Variants in SLF1 observed in about 807,000 individuals in gnomAD.
The protein encoded by SLF1 is SMC5/6 complex localization factor 1.
Under a neutral mutation model 123.0 loss-of-function variants are expected in SLF1, and 105 were observed. The ratio of observed to expected loss-of-function variants is 0.85; its 90% confidence interval spans 0.73 to 1.00. SLF1 has a LOEUF of 1.00. SLF1 is among the 50% of genes least tolerant of loss of function. SLF1 has a pLI of 0.00. For missense variants in SLF1, 1,239 were observed against 1,223.0 expected (o/e 1.01, Z -0.20); for synonymous variants, 434 against 406.6 (o/e 1.07, Z -0.81).
chr5:94,681,092 G>C, intron 15 of SLF1, among the ~76,000 whole-genome samples: 1 of 152,154 alleles, frequency 6.6e-6, no homozygotes, highest in Non-Finnish European at 1.5e-5. Context: ...CTTCAAATTC[G>C]GTTATAGCTA....
chr5:94,638,980 T>C (rs1339759155), intron 4 of SLF1, among the ~76,000 whole-genome samples: 1 of 152,112 alleles, frequency 6.6e-6, no homozygotes, highest in Non-Finnish European at 1.5e-5. Context: ...GTTGACAAAT[T>C]GAATTAAATC....
At chr5:94,652,621 G>T (rs1375879286) in intron 7 of SLF1, among the ~76,000 whole-genome samples, 2 of 152,016 alleles carry the variant, frequency 1.3e-5, no homozygotes. Flanking sequence ...TTAAGTTTTT[G>T]CAATTATGAA....
chr5:94,676,535 G>C (rs1308109436), intron 14 of SLF1, among the ~76,000 whole-genome samples: 4 of 152,216 alleles, frequency 2.6e-5, no homozygotes, highest in African/African-American at 9.6e-5. Context: ...CACCTGCTAG[G>C]ATCTGGCTGG....
chr5:94,646,770 T>C (rs1384606066), intron 5 of SLF1, among the ~76,000 whole-genome samples: 2 of 152,218 alleles, frequency 1.3e-5, no homozygotes, highest in East Asian at 1.9e-4. Context: ...ACTGTGACCA[T>C]AGGAAAGTCA....
At position 94,651,715 on chromosome 5, in the gene SLF1, A is replaced by G; in HGVS notation, c.752A>G (p.Asn251Ser). ...TMYRTQKEMQ[N>S]HEDVNVGSIL... ...ACAAACACGCAGAAAGAAATGCAAA[A>G]TCATGAAGATGTTAATGTTGGTTCT... Residue 251 changes from asparagine (N) to serine (S), a missense_variant, in exon 7 of 21, where the codon AAT becomes AGT. By Grantham distance (46) the Asn-to-Ser change is conservative. Transcript: ENST00000265140. The G allele has an allele frequency of 2.0e-6, 3 of 1,523,372 alleles. No homozygotes were observed. The highest frequency in any genetic ancestry group is 2.6e-6 in the Non-Finnish European group (3 of 1,136,512). 94.4% of individuals were successfully genotyped at this position (1,523,372 alleles called of 1,614,324 possible).
Position 94,691,584 on chromosome 5 carries a change from G to A in SLF1, c.2440G>A (p.Ala814Thr). 6.2e-7 allele frequency: 1 copy of A among 1,611,008 alleles called. No individual in the cohort carries two copies. The highest frequency in any genetic ancestry group is 1.1e-5 in the South Asian group (1 of 90,442). Reference protein sequence around the residue: ...NLKGETALHRACINNQVEKLI... With the variant: ...NLKGETALHRTCINNQVEKLI... ...GGCAGGAGAAACAGCCCTGCATAGA[G>A]CTTGCATAAATAACCAAGTGGAGAA... Residue 814 changes from alanine (A) to threonine (T), a missense_variant, in exon 19 of 21, where the codon GCT becomes ACT. Physicochemically the swap from Ala to Thr is moderately conservative, Grantham distance 58 (BLOSUM62 0). Coordinates refer to ENST00000265140, the MANE Select transcript of SLF1 (RefSeq NM_032290.4).
chr5:94,649,415 A>T (rs1402800332), intron 5 of SLF1, 39 bp from the exon 6 acceptor site: 2 of 1,393,064 alleles, frequency 1.4e-6, no homozygotes, highest in African/African-American at 2.9e-5. Flanking sequence ...TTGAAAATAC[A>T]CTTAGATGAT....
intron 1 of SLF1, 43 bp downstream of exon 1, chr5:94,618,808 G>T (rs1026974311): frequency 6.5e-6 from 1 of 154,892 alleles, no homozygotes; most frequent in Non-Finnish European, 1.5e-5. Context: ...TTCTGTCTCT[G>T]TGGGGATGTT....
chr5:94,652,164 C>T (rs866597623), intron 7 of SLF1, among the ~76,000 whole-genome samples: 7 of 151,968 alleles, frequency 4.6e-5, no homozygotes, highest in Non-Finnish European at 1.0e-4. Flanking sequence ...CACACCACCA[C>T]GCCTGGCTAA....
intron 8 of SLF1, among the ~76,000 whole-genome samples, chr5:94,653,999 A>C (rs1444741322): frequency 2.0e-5 from 3 of 151,990 alleles, no homozygotes; most frequent in Non-Finnish European, 4.4e-5. Context: ...GTGAAACCCC[A>C]TGTCTACCAA....
chr5:94,633,113 G>A (rs369805142), intron 4 of SLF1, among the ~76,000 whole-genome samples: 4 of 152,084 alleles, frequency 2.6e-5, no homozygotes, highest in South Asian at 2.1e-4. Context: ...TCAGCCTCCC[G>A]AGTAGCTGGG....
At chr5:94,641,190 A>T (rs1321818584) in intron 4 of SLF1, among the ~76,000 whole-genome samples, 1 of 42,094 alleles carries the variant, frequency 2.4e-5, no homozygotes. Context: ...CGCCCGCCCC[A>T]CCCCCCCACA....
chr5:94,627,307 CT>C (rs1460520360), intron 1 of SLF1, among the ~76,000 whole-genome samples: 1 of 151,834 alleles, frequency 6.6e-6, no homozygotes, highest in Non-Finnish European at 1.5e-5. Flanking sequence ...AAAAATTGCC[CT>C]AATTTCTCTA....
intron 18 of SLF1, among the ~76,000 whole-genome samples, chr5:94,690,125 T>C (rs1752910694): frequency 6.6e-6 from 1 of 152,166 alleles, no homozygotes; most frequent in Non-Finnish European, 1.5e-5. Flanking sequence ...GGAACCTAAG[T>C]ACCTAAAGGA....
chr5:94,673,399 G>T (rs1373377045), intron 14 of SLF1, among the ~76,000 whole-genome samples: 1 of 151,878 alleles, frequency 6.6e-6, no homozygotes, highest in Non-Finnish European at 1.5e-5. Context: ...TTGAGGCCGG[G>T]TGCAGTGGTT....
chr5:94,653,526 C>A, intron 8 of SLF1, 105 bp downstream of exon 8: 1 of 998,682 alleles, frequency 1.0e-6, no homozygotes, highest in Non-Finnish European at 1.4e-6. Context: ...AATCTTGAGT[C>A]AATCTGGTGT....
In SLF1 at chr5:94,682,754, T is replaced by C. The variant is rs572042585; in HGVS notation, c.1975+3799T>C. 2.6e-5 allele frequency among the ~76,000 whole-genome samples: 4 copies of C among 152,356 alleles called. No individual in the cohort carries two copies. In the East Asian group the frequency reaches 7.7e-4, roughly 29 times the overall value. On this transcript the variant is annotated intron_variant, in intron 15 of 20. Transcript: ENST00000265140. ...AACACTTTGGACAGAAATTTTCTTT[T>C]CTGTATTTTAAGCTCAAATTATCTG...
rs1056182853 is a variant in SLF1 at position 94,630,497 on chromosome 5, T to C, written c.191-6T>C. 3 of 1,539,788 alleles carry C rather than the reference T, an allele frequency of 1.9e-6. No homozygotes were observed. The highest frequency in any genetic ancestry group is 2.6e-6 in the Non-Finnish European group (3 of 1,137,924). On this transcript the variant is annotated splice_region_variant and splice_polypyrimidine_tract_variant and intron_variant, in intron 3 of 20. Transcript: ENST00000265140. ...CTTTGTGACTGACAGCTCATTTGCT[T>C]TCTAGGAAAGTGGATACTAACCAAG...
intron 20 of SLF1, 151 bp from the exon 21 acceptor site, chr5:94,694,680 A>G: frequency 4.0e-6 from 4 of 1,001,514 alleles, no homozygotes; most frequent in Non-Finnish European, 5.5e-6. Flanking sequence ...ATTCGTCTAT[A>G]TATATAGTCA....
Sources: gnomAD v4.1 joint callset for allele counts (sites outside exome capture counted in the v4.1 genomes callset) on GRCh38, gnomAD v4.1.1 for gene constraint, MANE v1.5 for transcripts, NCBI Gene and HGNC (gene_info 2026-07-23, HGNC 2026-07-21) for gene names.